ANKRD44: variants seen among roughly 807,000 people sequenced by gnomAD.
The protein encoded by ANKRD44 is serine/threonine-protein phosphatase 6 regulatory ankyrin repeat subunit B.
A neutral mutation model predicts 116.0 loss-of-function variants in ANKRD44; 35 were observed. That is an observed-to-expected ratio of 0.30 (90% CI 0.23 to 0.40). The LOEUF is 0.40. Among genes scored for constraint, ANKRD44 ranks in the 10% least tolerant of loss-of-function variants. The pLI, the probability that ANKRD44 is intolerant of heterozygous loss-of-function variation, is 1.00. For missense variants in ANKRD44, 1,014 were observed against 1,242.6 expected, an observed-to-expected ratio of 0.82 and a Z score of 2.77; for synonymous variants, 435 against 461.8, an observed-to-expected ratio of 0.94 and a Z score of 0.74.
intron 1 of ANKRD44, among the ~76,000 whole-genome samples, chr2:197,303,701 T>G (rs2083981179): frequency 6.6e-6 from 1 of 152,108 alleles, no homozygotes. Flanking sequence ...AACCAAGAAA[T>G]GCAAACAATT....
At chr2:196,992,873 T>A (rs1183399884) in intron 27 of ANKRD44, 1 of 152,686 alleles carries the variant, frequency 6.5e-6, no homozygotes, top group Admixed American at 6.5e-5. Context: ...TGCCACATTT[T>A]AAAAATTACA....
At chr2:196,997,144 C>T (rs2076027733) in intron 25 of ANKRD44, among the ~76,000 whole-genome samples, 1 of 151,578 alleles carries the variant, frequency 6.6e-6, no homozygotes. Context: ...ATGTATAATA[C>T]AAATATTCCA....
chr2:197,086,540 G>GA (rs2077928374), intron 13 of ANKRD44, 140 bp downstream of exon 13: 1 of 708,292 alleles, frequency 1.4e-6, no homozygotes, highest in South Asian at 1.9e-5. Context: ...ACCTCTATGA[G>GA]AAGGGACTTC....
intron 22 of ANKRD44, 67 bp from the exon 23 acceptor site, chr2:197,000,569 C>A (rs2076096883): frequency 4.1e-6 from 5 of 1,232,292 alleles, no homozygotes; most frequent in Non-Finnish European, 6.0e-6. Context: ...CCTAACCCAT[C>A]TTCCTATGTA....
chr2:197,135,029 G>T, intron 4 of ANKRD44: 1 of 152,106 alleles, frequency 6.6e-6, no homozygotes, highest in East Asian at 1.9e-4. Flanking sequence ...TAGGATTATT[G>T]ACCTCTCTCA....
intron 21 of ANKRD44, among the ~76,000 whole-genome samples, chr2:197,003,943 G>A (rs544626206): frequency 6.6e-6 from 1 of 152,134 alleles, no homozygotes; most frequent in African/African-American, 2.4e-5. Flanking sequence ...GAGGACCGTA[G>A]TGAAAACACA....
At chr2:197,147,678 G>A (rs1035777124) in intron 2 of ANKRD44, among the ~76,000 whole-genome samples, 2 of 151,912 alleles carry the variant, frequency 1.3e-5, no homozygotes, top group African/African-American at 4.8e-5. Context: ...GACTACAACA[G>A]GCCTGGTCCC....
At chr2:196,993,720 G>A (rs561166471) in intron 26 of ANKRD44, 46 bp from the exon 27 acceptor site, 2 of 1,492,338 alleles carry the variant, frequency 1.3e-6, no homozygotes, top group Non-Finnish European at 1.8e-6. Context: ...ATATTTGGGT[G>A]AGAATGTGGA....
In ANKRD44 at chr2:197,208,456, C is replaced by A. The variant is rs2697310; in HGVS notation, c.28-21350G>T. 2.3e-3 allele frequency among the ~76,000 whole-genome samples: 344 copies of A among 152,204 alleles called. 1 individual carries two copies. Among genetic ancestry groups the A allele is most frequent in the African/African-American group, 7.8e-3 (322 of 41,532 alleles). ...GTTCCCAGTGAGAGAGGTAAGTGGG[C>A]AATGGTAAGCTGTGCCACACACCAG... is the stretch of plus-strand genomic sequence containing the variant. On this transcript the variant is annotated intron_variant, in intron 1 of 27. Transcript: ENST00000282272.
chr2:196,994,868 C>T (rs2075985733), intron 26 of ANKRD44: 1 of 152,592 alleles, frequency 6.6e-6, no homozygotes, highest in African/African-American at 2.4e-5. Context: ...AAAACAAATG[C>T]ATAAATAATT....
downstream of ANKRD44, among the ~76,000 whole-genome samples, chr2:196,985,612 T>C (rs565000102): frequency 6.6e-6 from 1 of 152,310 alleles, no homozygotes; most frequent in South Asian, 2.1e-4. Context: ...CAGATCACTA[T>C]CTTCAAAAAT....
intron 2 of ANKRD44, among the ~76,000 whole-genome samples, chr2:197,156,143 A>C (rs540138009): frequency 6.6e-6 from 1 of 152,174 alleles, no homozygotes; most frequent in African/African-American, 2.4e-5. Flanking sequence ...TCAGGAGATC[A>C]AGATCATCCT....
chr2:197,234,135 T>C lies in ANKRD44; in HGVS notation c.28-47029A>G, dbSNP rs112344898. Among the ~76,000 whole-genome samples, 3 of 152,296 alleles carry C rather than the reference T, an allele frequency of 2.0e-5. 1 individual carries two copies. The highest frequency in any genetic ancestry group is 7.2e-5 in the African/African-American group (3 of 41,586). On this transcript the variant is annotated intron_variant, in intron 1 of 27. Coordinates refer to ENST00000282272, the MANE Select transcript of ANKRD44 (RefSeq NM_001195144.2). ...TTTCCTTCCCCAAAGTAACCCACTGTTTATATCCTGCCAGACTTCTTTCTG... is the reference window on the plus strand; with the variant it reads ...TTTCCTTCCCCAAAGTAACCCACTGCTTATATCCTGCCAGACTTCTTTCTG...
intron 16 of ANKRD44, chr2:197,029,784 C>T: frequency 3.4e-6 from 1 of 295,060 alleles, no homozygotes. Flanking sequence ...GTTTCTTATG[C>T]AGCAAAACAG....
intron 8 of ANKRD44, among the ~76,000 whole-genome samples, chr2:197,116,677 C>G (rs1020905450): frequency 1.3e-5 from 2 of 152,110 alleles, no homozygotes; most frequent in African/African-American, 4.8e-5. Flanking sequence ...ACTTTCTGTA[C>G]TCATGCTATT....
At position 197,163,057 on chromosome 2, in the gene ANKRD44, G is replaced by A. The variant is rs531429290; in HGVS notation, c.112-15952C>T. 8.5e-5 allele frequency among the ~76,000 whole-genome samples: 13 copies of A among 152,254 alleles called. No homozygotes were observed. The South Asian group carries it at 2.5e-3, about 29-fold the overall frequency. ...GTGGTTCTCATCTATCCCTAACCTT[G>A]AGTGAAGATAGCAACCACCTCAGTC... On this transcript the variant is annotated intron_variant, in intron 2 of 27. Transcript: ENST00000282272.
At chr2:197,200,308 G>A (rs951454014) in intron 1 of ANKRD44, among the ~76,000 whole-genome samples, 2 of 152,192 alleles carry the variant, frequency 1.3e-5, no homozygotes, top group African/African-American at 2.4e-5. Context: ...GGTGTCTCTG[G>A]AGGAGGCAGG....
chr2:197,305,647 T>A (rs2084046371), intron 1 of ANKRD44, among the ~76,000 whole-genome samples: 1 of 152,120 alleles, frequency 6.6e-6, no homozygotes, highest in Non-Finnish European at 1.5e-5. Flanking sequence ...AAAAGTTAGT[T>A]CCATTAATCC....
At position 197,113,002 on chromosome 2, in the gene ANKRD44, T is replaced by C. The variant is rs116709234; in HGVS notation, c.907-2158A>G. 8.4e-3 allele frequency among the ~76,000 whole-genome samples: 1,280 copies of C among 151,610 alleles called. 16 individuals are homozygous for C. Among genetic ancestry groups the C allele is most frequent in the Middle Eastern group, 0.024 (7 of 292 alleles). ...ATCTTAATTGAAAAAAAAAAACATG[T>C]ATCATTATAATTCAATATTCTCAGG... On this transcript the variant is annotated intron_variant, in intron 8 of 27. Coordinates refer to ENST00000282272, the MANE Select transcript of ANKRD44 (RefSeq NM_001195144.2).
Sources: gnomAD v4.1 joint callset for allele counts (sites outside exome capture counted in the v4.1 genomes callset) on GRCh38, gnomAD v4.1.1 for gene constraint, MANE v1.5 for transcripts, NCBI Gene and HGNC (gene_info 2026-07-23, HGNC 2026-07-21) for gene names.